KAT6B: variants seen among roughly 807,000 people sequenced by gnomAD.
The protein encoded by KAT6B is histone acetyltransferase KAT6B.
A neutral mutation model predicts 187.5 loss-of-function variants in KAT6B; 10 were observed. The observed-to-expected ratio is 0.05, with a 90% CI of 0.03 to 0.09. The LOEUF (loss-of-function observed/expected upper bound fraction) is 0.09, where lower values mean the gene tolerates loss of function less well. KAT6B is among the 10% of genes least tolerant of loss of function. The pLI is 1.00. For synonymous variants in KAT6B, 861 were observed against 926.8 expected (o/e 0.93, Z 1.29); for missense variants, 1,952 against 2,558.9 (o/e 0.76, Z 5.12).
At chr10:74,918,254 A>C (rs1847850435) in intron 3 of KAT6B, among the ~76,000 whole-genome samples, 1 of 152,218 alleles carries the variant, frequency 6.6e-6, no homozygotes, top group Non-Finnish European at 1.5e-5. Flanking sequence ...TTGAGGTGAG[A>C]GAGATATAGC....
intron 3 of KAT6B, among the ~76,000 whole-genome samples, chr10:74,883,844 C>G (rs1845042667): frequency 6.6e-6 from 1 of 152,196 alleles, no homozygotes; most frequent in Non-Finnish European, 1.5e-5. Context: ...CTTCTTAGCC[C>G]TCTCATTGCT....
intron 3 of KAT6B, among the ~76,000 whole-genome samples, chr10:74,884,769 A>G (rs1026683515): frequency 6.6e-6 from 1 of 152,058 alleles, no homozygotes; most frequent in East Asian, 1.9e-4. Context: ...AGGTTTCACC[A>G]TGTTGGTCAG....
intron 3 of KAT6B, among the ~76,000 whole-genome samples, chr10:74,925,869 T>C (rs567000102): frequency 2.3e-4 from 35 of 151,918 alleles, no homozygotes; most frequent in African/African-American, 8.2e-4. Flanking sequence ...GTGCTTGAAA[T>C]AGAGTGTGTG....
intron 16 of KAT6B, among the ~76,000 whole-genome samples, chr10:75,022,804 C>T (rs181744298): frequency 9.9e-5 from 15 of 152,258 alleles, no homozygotes; most frequent in Admixed American, 3.9e-4. Context: ...CGGTAGTACG[C>T]GCCTGTAATC....
intron 3 of KAT6B, among the ~76,000 whole-genome samples, chr10:74,878,954 G>A (rs951524943): frequency 5.3e-5 from 8 of 152,206 alleles, no homozygotes; most frequent in Admixed American, 4.6e-4. Context: ...AGGGGAAAGA[G>A]GGAAAGTGCC....
intron 4 of KAT6B, among the ~76,000 whole-genome samples, chr10:74,963,768 G>A (rs948685527): frequency 5.9e-5 from 9 of 152,188 alleles, no homozygotes; most frequent in Admixed American, 1.3e-4. Context: ...ACTAGATGCA[G>A]ATTGAATCAT....
intron 17 of KAT6B, chr10:75,026,118 C>T (rs1845813687): frequency 6.7e-6 from 1 of 149,290 alleles, no homozygotes; most frequent in Non-Finnish European, 1.5e-5. Flanking sequence ...TGCACTCCAG[C>T]CTGGGTGACA....
intron 1 of KAT6B, among the ~76,000 whole-genome samples, chr10:74,832,846 C>T (rs539157398): frequency 3.3e-5 from 5 of 151,562 alleles, no homozygotes; most frequent in South Asian, 2.1e-4. Context: ...ATTTTTTGGC[C>T]GGGCATGATG....
At chr10:74,848,090 T>C (rs888713557) in intron 3 of KAT6B, among the ~76,000 whole-genome samples, 3 of 151,944 alleles carry the variant, frequency 2.0e-5, no homozygotes, top group African/African-American at 7.3e-5. Context: ...GGCTAATTTT[T>C]GCATTTTCAG....
At chr10:74,948,952 C>T (rs1360279882) in intron 3 of KAT6B, among the ~76,000 whole-genome samples, 1 of 152,056 alleles carries the variant, frequency 6.6e-6, no homozygotes, top group African/African-American at 2.4e-5. Flanking sequence ...ATTTTTGTAT[C>T]CCTAAATAAA....
At chr10:74,926,316 T>C (rs1848499941) in intron 3 of KAT6B, among the ~76,000 whole-genome samples, 1 of 152,086 alleles carries the variant, frequency 6.6e-6, no homozygotes, top group South Asian at 2.1e-4. Flanking sequence ...TAGCTGGGTG[T>C]GGTGGCACAC....
At chr10:74,975,306 A>C (rs1842080792) in intron 7 of KAT6B, 93 bp from the exon 8 acceptor site, 12 of 1,000,878 alleles carry the variant, frequency 1.2e-5, no homozygotes, top group Non-Finnish European at 1.7e-5. Context: ...GTTTAAGCCC[A>C]TTGAATGCAT....
chr10:74,988,947 C>A, intron 12 of KAT6B, 72 bp from the exon 13 acceptor site: 1 of 1,010,520 alleles, frequency 9.9e-7, no homozygotes, highest in Non-Finnish European at 1.6e-6. Flanking sequence ...TTTACAAGGA[C>A]AGTGGCAGGT....
At position 74,928,107 on chromosome 10, in the gene KAT6B, G is replaced by A. The variant is rs192668576; in HGVS notation, c.622-31863G>A. 3.6e-3 allele frequency among the ~76,000 whole-genome samples: 542 copies of A among 152,306 alleles called. 1 individual carries two copies. Among genetic ancestry groups the A allele is most frequent in the African/African-American group, 0.012 (511 of 41,570 alleles). On this transcript the variant is annotated intron_variant, in intron 3 of 17. Coordinates refer to ENST00000287239, the MANE Select transcript of KAT6B (RefSeq NM_012330.4). ...AAAGTAAATTTCATTTTGTATAGCT[G>A]TAATATAACATTTTTTACTCTGCTC...
Position 74,843,165 on chromosome 10 carries a change from G to A in KAT6B, c.308G>A (p.Arg103His), listed in dbSNP as rs773931583. ...KGSRGSCNDL[R>H]NVDWNKLLRR... ...TCTAGAGGATCATGTAATGATCTCCGCAATGTGGATTGGAATAAACTTTTA... is the reference window on the plus strand; with the variant it reads ...TCTAGAGGATCATGTAATGATCTCCACAATGTGGATTGGAATAAACTTTTA... The change falls in exon 3 of 18, where the codon CGC (arginine) becomes CAC (histidine). Residue 103 changes from arginine (R) to histidine (H), a missense_variant. Around this residue, in one of 9 missense-constraint regions of KAT6B, gnomAD observed 218 missense variants for 282.6 expected, o/e 0.77. Transcript: ENST00000287239. 22 of 1,614,158 alleles carry A rather than the reference G, an allele frequency of 1.4e-5. No homozygotes were observed. The highest frequency in any genetic ancestry group is 1.9e-5 in the Non-Finnish European group (22 of 1,180,000).
chr10:75,015,052 T>C (rs1483186040), intron 13 of KAT6B, among the ~76,000 whole-genome samples: 3 of 152,132 alleles, frequency 2.0e-5, no homozygotes. Flanking sequence ...GGGCTCTGCC[T>C]CTCCCCACCA....
At chr10:74,828,411 T>C (rs1397185320) in intron 1 of KAT6B, among the ~76,000 whole-genome samples, 1 of 151,346 alleles carries the variant, frequency 6.6e-6, no homozygotes, top group Non-Finnish European at 1.5e-5. Flanking sequence ...AAATTAGTTG[T>C]GTTCGAACAG....
At chr10:74,846,004 C>T (rs1202650092) in intron 3 of KAT6B, among the ~76,000 whole-genome samples, 1 of 151,822 alleles carries the variant, frequency 6.6e-6, no homozygotes, top group South Asian at 2.1e-4. Flanking sequence ...GCTGGGACTA[C>T]AGGTGCACAC....
intron 3 of KAT6B, among the ~76,000 whole-genome samples, chr10:74,942,917 G>A (rs1849797703): frequency 6.6e-6 from 1 of 151,946 alleles, no homozygotes; most frequent in Non-Finnish European, 1.5e-5. Context: ...TCTAGCCAGT[G>A]TAACAAGGTA....
Sources: allele counts gnomAD v4.1 joint callset (sites outside exome capture counted in the v4.1 genomes callset), GRCh38; gene constraint gnomAD v4.1.1; regional missense constraint gnomAD v4.1.1; transcripts MANE v1.5; gene names NCBI Gene and HGNC (gene_info 2026-07-23, HGNC 2026-07-21).